TRMT11: variants seen among roughly 807,000 people sequenced by gnomAD.
TRMT11 encodes the protein tRNA (guanine(10)-N(2))-methyltransferase TRMT11.
A neutral mutation model predicts 62.8 loss-of-function variants in TRMT11; 53 were observed. The ratio of observed to expected loss-of-function variants is 0.84; its 90% CI spans 0.68 to 1.06. The LOEUF (loss-of-function observed/expected upper bound fraction) is 1.06, where lower values mean the gene tolerates loss of function less well. Among genes scored for constraint, TRMT11 ranks in the 50% least tolerant of loss-of-function variants. The probability of loss-of-function intolerance (pLI) is 0.00; values close to 1 mark genes in which losing one functional copy is unlikely to be tolerated. For synonymous variants in TRMT11, 188 were observed against 190.3 expected, an observed-to-expected ratio of 0.99 and a Z score of 0.10; for missense variants, 556 against 553.4, an observed-to-expected ratio of 1.00 and a Z score of -0.05.
chr6:126,271,258 G>T, the TRMT11 span, among the ~76,000 whole-genome samples: 2 of 151,250 alleles, frequency 1.3e-5, no homozygotes, highest in Non-Finnish European at 2.9e-5. Context: ...CAGCTACTCA[G>T]GGGGCTGAGG....
chr6:126,239,271 G>T, the TRMT11 span, among the ~76,000 whole-genome samples: 1 of 152,090 alleles, frequency 6.6e-6, no homozygotes, highest in Non-Finnish European at 1.5e-5. Context: ...TGGTTATTTT[G>T]CTCGTTAGTT....
chr6:126,191,261 A>T (rs1481289577), intron 1 of TRMT11, among the ~76,000 whole-genome samples: 1 of 151,758 alleles, frequency 6.6e-6, no homozygotes, highest in Non-Finnish European at 1.5e-5. Flanking sequence ...GTCTATTCAG[A>T]TCTTTTGTGT....
At chr6:126,229,108 C>T in the TRMT11 span, among the ~76,000 whole-genome samples, 1 of 152,204 alleles carries the variant, frequency 6.6e-6, no homozygotes, top group East Asian at 1.9e-4. Context: ...TGTTGTATTT[C>T]TGTGTTCTCT....
At chr6:126,246,144 T>G in the TRMT11 span, among the ~76,000 whole-genome samples, 147 of 152,016 alleles carry the variant, frequency 9.7e-4, no homozygotes, top group African/African-American at 3.4e-3. Flanking sequence ...GGTGTAGTGA[T>G]GTACACCTGT....
At chr6:126,047,094 T>G (rs1195880164) in intron 16 of TRMT11, among the ~76,000 whole-genome samples, 3 of 151,860 alleles carry the variant, frequency 2.0e-5, no homozygotes, top group African/African-American at 7.3e-5. Flanking sequence ...GATACACGGC[T>G]TCTGAAAAAC....
intron 1 of TRMT11, among the ~76,000 whole-genome samples, chr6:125,992,038 G>A (rs1236368272): frequency 1.3e-5 from 2 of 152,152 alleles, no homozygotes; most frequent in Non-Finnish European, 1.5e-5. Context: ...TCCTAATATA[G>A]AAAGAGTCTC....
intron 16 of TRMT11, among the ~76,000 whole-genome samples, chr6:126,051,976 C>A (rs534706272): frequency 6.6e-6 from 1 of 152,286 alleles, no homozygotes; most frequent in African/African-American, 2.4e-5. Flanking sequence ...TCCTTCTGTG[C>A]CGTTTTCCCC....
chr6:126,131,948 C>A (rs1777789072), intron 21 of TRMT11, among the ~76,000 whole-genome samples: 1 of 151,956 alleles, frequency 6.6e-6, no homozygotes, highest in Admixed American at 6.6e-5. Flanking sequence ...ATTAGGGCAA[C>A]TTAATGGCAT....
chr6:126,108,413 TA>T (rs1777488145), intron 17 of TRMT11, among the ~76,000 whole-genome samples: 1 of 152,220 alleles, frequency 6.6e-6, no homozygotes, highest in Non-Finnish European at 1.5e-5. Context: ...ATAATACTAA[TA>T]GATGGCATTT....
chr6:126,228,534 G>A, the TRMT11 span, among the ~76,000 whole-genome samples: 5,099 of 152,204 alleles, frequency 0.034, 250 homozygotes, highest in African/African-American at 0.12. Context: ...GCTGTCACTT[G>A]TGATCCTCCT....
chr6:126,012,635 A>G (rs1794381200), intron 9 of TRMT11, 136 bp from the exon 10 acceptor site: 1 of 609,566 alleles, frequency 1.6e-6, no homozygotes, highest in Non-Finnish European at 2.9e-6. Context: ...TATGTTGTAC[A>G]TTTTCAGTTG....
chr6:126,046,441 A>G (rs916781609), intron 16 of TRMT11, among the ~76,000 whole-genome samples: 1 of 152,202 alleles, frequency 6.6e-6, no homozygotes, highest in Non-Finnish European at 1.5e-5. Flanking sequence ...TACTAAAAGT[A>G]GATGTAAAGC....
At chr6:126,201,518 T>G (rs1778734498) in intron 3 of TRMT11, among the ~76,000 whole-genome samples, 1 of 152,210 alleles carries the variant, frequency 6.6e-6, no homozygotes, top group South Asian at 2.1e-4. Flanking sequence ...ATCCGGATCC[T>G]ATCAATTACA....
intron 7 of TRMT11, among the ~76,000 whole-genome samples, chr6:126,002,894 T>C (rs1223922212): frequency 3.9e-5 from 6 of 152,142 alleles, no homozygotes; most frequent in Admixed American, 3.9e-4. Context: ...TTCGCTACTT[T>C]CTTACACAAA....
intron 17 of TRMT11, among the ~76,000 whole-genome samples, chr6:126,084,331 C>T (rs1162942379): frequency 1.3e-5 from 2 of 152,076 alleles, no homozygotes; most frequent in South Asian, 4.1e-4. Flanking sequence ...TTTGCATATC[C>T]TTGGTGAGTA....
chr6:126,160,398 T>A (rs1161425415), intron 21 of TRMT11, among the ~76,000 whole-genome samples: 2 of 152,064 alleles, frequency 1.3e-5, no homozygotes, highest in Admixed American at 6.6e-5. Context: ...TTTTTTTTTC[T>A]TTTTCAAAAA....
At chr6:126,102,011 A>G (rs1046055155) in intron 17 of TRMT11, among the ~76,000 whole-genome samples, 9 of 152,224 alleles carry the variant, frequency 5.9e-5, no homozygotes, top group African/African-American at 2.2e-4. Context: ...CATATGCCTC[A>G]TGTTTATAAA....
At chr6:126,256,463 G>A in the TRMT11 span, among the ~76,000 whole-genome samples, 4 of 152,102 alleles carry the variant, frequency 2.6e-5, no homozygotes, top group Admixed American at 6.5e-5. Flanking sequence ...CTAGGTTCTC[G>A]TCATCTAAAT....
At chr6:126,194,415 A>G (rs541687092) in intron 1 of TRMT11, among the ~76,000 whole-genome samples, 2 of 152,280 alleles carry the variant, frequency 1.3e-5, no homozygotes, top group South Asian at 2.1e-4. Flanking sequence ...CATTTATATG[A>G]CAATTATTTC....
Sources: allele counts gnomAD v4.1 joint callset (sites outside exome capture counted in the v4.1 genomes callset), GRCh38; gene constraint gnomAD v4.1.1; transcripts MANE v1.5; gene names NCBI Gene and HGNC (gene_info 2026-07-23, HGNC 2026-07-21).